Variants in CNTN4 observed in about 807,000 individuals in gnomAD.
CNTN4 encodes the protein contactin-4.
In CNTN4, 77 loss-of-function variants were observed where a neutral mutation model predicts 122.5. The observed-to-expected ratio is 0.63, with a 90% CI of 0.52 to 0.76. CNTN4 has a LOEUF of 0.76. Among genes scored for constraint, CNTN4 ranks in the 30% least tolerant of loss-of-function variants. CNTN4 has a pLI of 0.00. For missense variants in CNTN4, 1,256 were observed against 1,259.1 expected, an observed-to-expected ratio of 1.00 and a Z score of 0.04; for synonymous variants, 512 against 447.0, an observed-to-expected ratio of 1.15 and a Z score of -1.83.
intron 2 of CNTN4, among the ~76,000 whole-genome samples, chr3:2,292,658 AATAGAAGCAT>A: frequency 6.6e-6 from 1 of 152,310 alleles, no homozygotes; most frequent in Middle Eastern, 3.4e-3. Flanking sequence ...ATTTCTTATA[AATAGAAGCAT>A]ATAGTATATA....
chr3:2,484,806 T>C (rs2151613631), intron 3 of CNTN4, among the ~76,000 whole-genome samples: 1 of 152,298 alleles, frequency 6.6e-6, no homozygotes, highest in Admixed American at 6.5e-5. Flanking sequence ...CTGCGCCCAC[T>C]CTGGCCATGC....
chr3:2,759,417 G>T (rs1328698603), intron 6 of CNTN4, among the ~76,000 whole-genome samples: 2 of 152,136 alleles, frequency 1.3e-5, no homozygotes, highest in African/African-American at 4.8e-5. Context: ...AAAGTGCTGG[G>T]ATTACAGCGT....
At chr3:2,195,442 G>A (rs2037789541) in intron 2 of CNTN4, among the ~76,000 whole-genome samples, 1 of 152,166 alleles carries the variant, frequency 6.6e-6, no homozygotes. Context: ...ATAACCAGCG[G>A]TGGTATATAT....
intron 4 of CNTN4, among the ~76,000 whole-genome samples, chr3:2,660,481 T>A (rs2083831676): frequency 6.6e-6 from 1 of 152,214 alleles, no homozygotes. Context: ...CAGAGCAATA[T>A]TGTCTGTTAG....
chr3:2,219,637 C>T (rs910929250), intron 2 of CNTN4, among the ~76,000 whole-genome samples: 1 of 152,030 alleles, frequency 6.6e-6, no homozygotes, highest in African/African-American at 2.4e-5. Context: ...CTCATATCTA[C>T]AATAAAATAT....
intron 2 of CNTN4, among the ~76,000 whole-genome samples, chr3:2,163,787 A>G (rs765395742): frequency 6.6e-6 from 1 of 152,228 alleles, no homozygotes; most frequent in Non-Finnish European, 1.5e-5. Flanking sequence ...AAATAAAACC[A>G]TAACGAGATA....
chr3:2,503,032 G>C (rs1391609602), intron 3 of CNTN4, among the ~76,000 whole-genome samples: 1 of 152,086 alleles, frequency 6.6e-6, no homozygotes, highest in Admixed American at 6.6e-5. Flanking sequence ...CTAGGTGATA[G>C]GTATACAAAA....
intron 13 of CNTN4, among the ~76,000 whole-genome samples, chr3:2,929,306 T>G (rs750639148): frequency 6.6e-6 from 1 of 152,208 alleles, no homozygotes; most frequent in Admixed American, 6.5e-5. Flanking sequence ...GTTGATTATT[T>G]TATTTACTGT....
intron 2 of CNTN4, among the ~76,000 whole-genome samples, chr3:2,294,603 C>T (rs946899829): frequency 6.6e-6 from 1 of 152,064 alleles, no homozygotes; most frequent in Non-Finnish European, 1.5e-5. Flanking sequence ...TGCACCACAG[C>T]CTGGGTGACA....
rs1183465415 is a variant in CNTN4, at chr3:3,042,292, C to G, written c.2399-18C>G. ...ATATAGCTGATAGAGTAATAACTAT[C>G]TCCATATTCATCTACAGAACCCACC... On this transcript the variant is annotated intron_variant, in intron 20 of 24. Transcript: ENST00000418658. The G allele has an allele frequency of 3.3e-6, 5 of 1,516,916 alleles. No individual in the cohort carries two copies. The Admixed American group carries it at 8.3e-5, about 25-fold the overall frequency. 94.0% of individuals were successfully genotyped at this position (1,516,916 alleles called of 1,614,324 possible). A position where few individuals can be genotyped will look rare whatever the true frequency, so the allele number is the denominator to read the frequency against.
intron 2 of CNTN4, among the ~76,000 whole-genome samples, chr3:2,112,872 C>G (rs1256562076): frequency 6.6e-6 from 1 of 152,056 alleles, no homozygotes; most frequent in Non-Finnish European, 1.5e-5. Context: ...CTGATTATGG[C>G]CTTGTTATGG....
intron 2 of CNTN4, among the ~76,000 whole-genome samples, chr3:2,225,529 AAAAAAC>A (rs2039247891): frequency 6.6e-6 from 1 of 151,650 alleles, no homozygotes; most frequent in Non-Finnish European, 1.5e-5. Flanking sequence ...ACAAACAAAC[AAAAAAC>A]AAAAACAAAC....
chr3:2,919,039 CAAAA>C (rs748106035), intron 12 of CNTN4, among the ~76,000 whole-genome samples: 18 of 151,982 alleles, frequency 1.2e-4, no homozygotes, highest in Non-Finnish European at 1.6e-4. Context: ...AGAAGTCAGA[CAAAA>C]GAAAGATTGT....
At chr3:2,377,069 TC>T (rs1423542514) in intron 3 of CNTN4, among the ~76,000 whole-genome samples, 1 of 149,718 alleles carries the variant, frequency 6.7e-6, no homozygotes, top group African/African-American at 2.5e-5. Flanking sequence ...GGCAGGAGAA[TC>T]ACTTGAACCC....
chr3:2,872,615 A>G (rs1209429371), intron 8 of CNTN4, among the ~76,000 whole-genome samples: 1 of 152,188 alleles, frequency 6.6e-6, no homozygotes, highest in East Asian at 1.9e-4. Flanking sequence ...GGAACTCCAC[A>G]TAGAAGAGAT....
intron 2 of CNTN4, among the ~76,000 whole-genome samples, chr3:2,260,241 A>G (rs2040773017): frequency 6.6e-6 from 1 of 152,068 alleles, no homozygotes; most frequent in Non-Finnish European, 1.5e-5. Context: ...TGTTTGTTGC[A>G]GGAGGGTGTC....
At chr3:2,188,607 G>A (rs976459774) in intron 2 of CNTN4, among the ~76,000 whole-genome samples, 39 of 152,274 alleles carry the variant, frequency 2.6e-4, no homozygotes, top group African/African-American at 6.3e-4. Flanking sequence ...TGGGTTCTAG[G>A]GAGGGATACT....
At chr3:2,655,199 A>C (rs1002866014) in intron 4 of CNTN4, among the ~76,000 whole-genome samples, 1 of 152,156 alleles carries the variant, frequency 6.6e-6, no homozygotes, top group African/African-American at 2.4e-5. Context: ...CTTAATAAGG[A>C]GCCTATGTTG....
At chr3:2,411,508 T>C (rs1216332233) in intron 3 of CNTN4, among the ~76,000 whole-genome samples, 1 of 152,194 alleles carries the variant, frequency 6.6e-6, no homozygotes, top group East Asian at 1.9e-4. Context: ...ATTTTGAAGT[T>C]GCAGCCTTAC....
Sources: gnomAD v4.1 joint callset for allele counts (sites outside exome capture counted in the v4.1 genomes callset) on GRCh38, gnomAD v4.1.1 for gene constraint, MANE v1.5 for transcripts, NCBI Gene and HGNC (gene_info 2026-07-23, HGNC 2026-07-21) for gene names.